Variants in GPHN observed in about 807,000 individuals in gnomAD.
GPHN encodes gephyrin.
A neutral mutation model predicts 95.5 loss-of-function variants in GPHN; 17 were observed. That is an observed-to-expected ratio of 0.18 (90% CI 0.12 to 0.27). The LOEUF (loss-of-function observed/expected upper bound fraction) is 0.27, where lower values mean the gene tolerates loss of function less well. GPHN is among the 10% of genes least tolerant of loss of function. GPHN has a pLI of 1.00. For synonymous variants in GPHN, 320 were observed against 322.5 expected, an observed-to-expected ratio of 0.99 and a Z score of 0.08; for missense variants, 660 against 978.1, an observed-to-expected ratio of 0.67 and a Z score of 4.34.
chr14:67,707,304 G>C, the GPHN span, among the ~76,000 whole-genome samples: 1 of 152,174 alleles, frequency 6.6e-6, no homozygotes, highest in African/African-American at 2.4e-5. Context: ...CTAACAATAG[G>C]TGTACTACAC....
At chr14:67,035,769 C>T (rs2153633080) in intron 10 of GPHN, among the ~76,000 whole-genome samples, 1 of 151,706 alleles carries the variant, frequency 6.6e-6, no homozygotes, top group East Asian at 1.9e-4. Context: ...ATAAAGAAAA[C>T]CTCCCAATAA....
chr14:66,867,499 G>C (rs573419967), intron 4 of GPHN, among the ~76,000 whole-genome samples: 120 of 152,176 alleles, frequency 7.9e-4, no homozygotes, highest in Non-Finnish European at 1.3e-3. Flanking sequence ...GGAGTTTGTC[G>C]TGGATGTAAC....
rs199874731 is a variant in GPHN at position 67,122,185 on chromosome 14, AT to A, written c.1627-62del. 402 of 1,485,760 alleles carry A rather than the reference AT, an allele frequency of 2.7e-4. 2 individuals are homozygous for A. In the South Asian group the frequency reaches 3.5e-3, roughly 13 times the overall value. 92.0% of individuals were successfully genotyped at this position (1,485,760 alleles called of 1,614,324 possible). A position where few individuals can be genotyped will look rare whatever the true frequency, so the allele number is the denominator to read the frequency against. On this transcript the variant is annotated intron_variant, in intron 16 of 22. Coordinates refer to ENST00000478722, the MANE Select transcript of GPHN (RefSeq NM_020806.5). ...AGATATGCTAAACTCAGTTTAGTAGATTTTTTTTTCATTAGAAATATGCAAC... is the reference window on the plus strand; with the variant it reads ...AGATATGCTAAACTCAGTTTAGTAGATTTTTTTTCATTAGAAATATGCAAC...
the GPHN span, among the ~76,000 whole-genome samples, chr14:67,379,494 A>G: frequency 6.6e-6 from 1 of 151,974 alleles, no homozygotes; most frequent in Non-Finnish European, 1.5e-5. Flanking sequence ...TTATACATTT[A>G]TGTTGGTTGT....
chr14:67,382,686 T>G, the GPHN span: 1 of 1,419,672 alleles, frequency 7.0e-7, no homozygotes, highest in East Asian at 2.3e-5. Flanking sequence ...GAATGTCATA[T>G]TGTAGGATGG....
the GPHN span, among the ~76,000 whole-genome samples, chr14:67,250,277 AATTT>A: frequency 6.6e-6 from 1 of 152,174 alleles, no homozygotes; most frequent in East Asian, 1.9e-4. Context: ...ATGCATTAAC[AATTT>A]ATTCTTTTTT....
intron 11 of GPHN, 171 bp downstream of exon 11, chr14:67,058,957 T>G: frequency 1.5e-6 from 1 of 678,548 alleles, no homozygotes; most frequent in Non-Finnish European, 2.5e-6. Flanking sequence ...GGCTAAGGGT[T>G]CAGCCTTAAC....
intron 1 of GPHN, among the ~76,000 whole-genome samples, chr14:66,516,605 G>T (rs905334575): frequency 6.6e-6 from 1 of 152,150 alleles, no homozygotes; most frequent in African/African-American, 2.4e-5. Context: ...TTATTTCTTT[G>T]TATAGTACTT....
At chr14:66,963,031 C>A (rs920770544) in intron 8 of GPHN, among the ~76,000 whole-genome samples, 6 of 151,930 alleles carry the variant, frequency 3.9e-5, no homozygotes, top group Non-Finnish European at 7.4e-5. Context: ...CTTTTGTTAA[C>A]TTTTAATATG....
the GPHN span, among the ~76,000 whole-genome samples, chr14:67,283,618 G>C: frequency 6.6e-6 from 1 of 151,986 alleles, no homozygotes; most frequent in South Asian, 2.1e-4. Flanking sequence ...TATCTTCCTG[G>C]AATTGAAATA....
the GPHN span, among the ~76,000 whole-genome samples, chr14:67,698,016 G>A: frequency 1.3e-5 from 2 of 151,160 alleles, no homozygotes; most frequent in African/African-American, 2.4e-5. Context: ...AGTAAATAAA[G>A]TAGGAATCAG....
chr14:66,990,364 G>A (rs2071329108), intron 9 of GPHN, among the ~76,000 whole-genome samples: 1 of 152,018 alleles, frequency 6.6e-6, no homozygotes, highest in African/African-American at 2.4e-5. Flanking sequence ...TTAAAATGCT[G>A]GTGAAGATTT....
At chr14:66,896,601 C>T (rs1232691790) in intron 5 of GPHN, among the ~76,000 whole-genome samples, 3 of 151,870 alleles carry the variant, frequency 2.0e-5, no homozygotes, top group South Asian at 4.2e-4. Context: ...CAGAGTGAGA[C>T]CCTCTCTTAA....
At chr14:66,752,807 G>A (rs1364600955) in intron 2 of GPHN, among the ~76,000 whole-genome samples, 1 of 151,598 alleles carries the variant, frequency 6.6e-6, no homozygotes, top group African/African-American at 2.4e-5. Context: ...ATAAAGCGAA[G>A]CACAATAAAA....
the GPHN span, among the ~76,000 whole-genome samples, chr14:67,673,487 G>T: frequency 6.6e-6 from 1 of 152,034 alleles, no homozygotes; most frequent in Non-Finnish European, 1.5e-5. Context: ...GGGGATGTTC[G>T]TATCTTTTTC....
chr14:67,242,227 T>C, the GPHN span, among the ~76,000 whole-genome samples: 1 of 152,196 alleles, frequency 6.6e-6, no homozygotes, highest in African/African-American at 2.4e-5. Flanking sequence ...CATACAGTAA[T>C]GTGTACGGAA....
chr14:67,612,766 C>T, the GPHN span, among the ~76,000 whole-genome samples: 1 of 152,004 alleles, frequency 6.6e-6, no homozygotes, highest in Non-Finnish European at 1.5e-5. Context: ...GTGAGACCCT[C>T]CCCATCTCTA....
chr14:66,648,598 C>G (rs988571174), intron 1 of GPHN, among the ~76,000 whole-genome samples: 1 of 152,110 alleles, frequency 6.6e-6, no homozygotes, highest in Admixed American at 6.5e-5. Flanking sequence ...ATAGGCTATA[C>G]TATATAGCCT....
At chr14:67,407,109 C>T in the GPHN span, among the ~76,000 whole-genome samples, 1 of 152,034 alleles carries the variant, frequency 6.6e-6, no homozygotes, top group Admixed American at 6.6e-5. Flanking sequence ...AAAAAGCCTC[C>T]TTTATTCCTT....
Sources: gnomAD v4.1 joint callset for allele counts (sites outside exome capture counted in the v4.1 genomes callset) on GRCh38, gnomAD v4.1.1 for gene constraint, MANE v1.5 for transcripts, NCBI Gene and HGNC (gene_info 2026-07-23, HGNC 2026-07-21) for gene names.